The following ANKH variants were observed in gnomAD, a reference collection of about 807,000 sequenced individuals.
The protein encoded by ANKH is ANKH inorganic pyrophosphate transport regulator, also known as mineralization regulator ANKH.
ANKH carries 15 observed loss-of-function variants against 49.0 expected under a neutral mutation model. The observed-to-expected ratio is 0.31, with a 90% CI of 0.20 to 0.47. The LOEUF (loss-of-function observed/expected upper bound fraction) is 0.47. ANKH is among the 20% of genes least tolerant of loss of function. The probability of loss-of-function intolerance (pLI) is 1.00; values close to 1 mark genes in which losing one functional copy is unlikely to be tolerated. For synonymous variants in ANKH, 273 were observed against 260.0 expected (o/e 1.05, Z -0.48); for missense variants, 429 against 652.0 (o/e 0.66, Z 3.72).
chr5:14,870,927 T>C, intron 1 of ANKH: 1 of 356,534 alleles, frequency 2.8e-6, no homozygotes, highest in South Asian at 2.2e-5. Context: ...TGGAAGTACC[T>C]GGGAAATCAA....
chr5:14,835,719 C>T (rs1265379911), intron 1 of ANKH, among the ~76,000 whole-genome samples: 1 of 152,140 alleles, frequency 6.6e-6, no homozygotes, highest in Admixed American at 6.5e-5. Flanking sequence ...CCTTCTGAAA[C>T]TATTCCAATC....
At chr5:14,855,588 A>G (rs1196399830) in intron 1 of ANKH, among the ~76,000 whole-genome samples, 4 of 152,160 alleles carry the variant, frequency 2.6e-5, no homozygotes, top group African/African-American at 9.7e-5. Context: ...TGTTATTATC[A>G]TAACTGTCAA....
intron 1 of ANKH, among the ~76,000 whole-genome samples, chr5:14,842,948 C>T (rs1741854934): frequency 6.6e-6 from 1 of 152,202 alleles, no homozygotes; most frequent in Non-Finnish European, 1.5e-5. Context: ...CCCCTCTCCT[C>T]CATTCAGCAT....
rs759059529 is a variant in ANKH at position 14,722,855 on chromosome 5, G to A, written c.1012-6020C>T. Among the ~76,000 whole-genome samples, 7 of 151,946 alleles carry A rather than the reference G, an allele frequency of 4.6e-5. No homozygotes were observed. The East Asian group carries it at 7.7e-4, about 17-fold the overall frequency. ...ACCCGTCCTGACAGCAGAGGAACAC[G>A]GCAGACATGACCCCAGCCATGCAAT... is the stretch of plus-strand genomic sequence containing the variant. On this transcript the variant is annotated intron_variant, in intron 8 of 11. Transcript: ENST00000284268.
intron 8 of ANKH, among the ~76,000 whole-genome samples, chr5:14,728,424 G>T (rs145423882): frequency 6.6e-6 from 1 of 152,198 alleles, no homozygotes; most frequent in Non-Finnish European, 1.5e-5. Flanking sequence ...AGAAAGTGTT[G>T]AATTCCATTA....
intron 2 of ANKH, among the ~76,000 whole-genome samples, chr5:14,764,871 A>G (rs1739209979): frequency 6.6e-6 from 1 of 152,248 alleles, no homozygotes; most frequent in Admixed American, 6.5e-5. Flanking sequence ...CTGACTACCC[A>G]GGAAGCTTCA....
Position 14,869,221 on chromosome 5 carries a change from CTT to C in ANKH, c.96+2129_96+2130del, listed in dbSNP as rs969722641. ...CATCACCCACACATACCAGGTCACTCTTCAGCTCCCACTGTAATTCTTTCCCT... is the reference window on the plus strand; with the variant it reads ...CATCACCCACACATACCAGGTCACTCCAGCTCCCACTGTAATTCTTTCCCT... On this transcript the variant is annotated intron_variant, in intron 1 of 11. Coordinates refer to ENST00000284268, the MANE Select transcript of ANKH (RefSeq NM_054027.6). The C allele has an allele frequency of 3.3e-5, 5 of 152,328 alleles. No individual in the cohort carries two copies. The East Asian group carries it at 9.7e-4, about 29-fold the overall frequency. 9.4% of individuals were successfully genotyped at this position (152,328 alleles called of 1,614,324 possible). A position where few individuals can be genotyped will look rare whatever the true frequency, so the allele number is the denominator to read the frequency against.
At chr5:14,746,707 G>T (rs1738554205) in intron 6 of ANKH, among the ~76,000 whole-genome samples, 1 of 152,212 alleles carries the variant, frequency 6.6e-6, no homozygotes, top group Non-Finnish European at 1.5e-5. Context: ...ACTATAAACT[G>T]TAAGTTTCTC....
chr5:14,833,953 A>C (rs1368666846), intron 1 of ANKH, among the ~76,000 whole-genome samples: 1 of 152,150 alleles, frequency 6.6e-6, no homozygotes, highest in Non-Finnish European at 1.5e-5. Context: ...TCAGGAAACC[A>C]AAGAGAATTG....
chr5:14,808,526 A>G (rs1037192053), intron 1 of ANKH, among the ~76,000 whole-genome samples: 7 of 152,214 alleles, frequency 4.6e-5, no homozygotes, highest in Admixed American at 4.6e-4. Flanking sequence ...GCACTTTGGG[A>G]GGCTGAGGCA....
chr5:14,865,318 C>G (rs1005294048), intron 1 of ANKH, among the ~76,000 whole-genome samples: 8 of 152,008 alleles, frequency 5.3e-5, no homozygotes, highest in Non-Finnish European at 7.4e-5. Context: ...AGGAGATACC[C>G]AAATTGTTAA....
At chr5:14,805,671 A>G (rs752763340) in intron 1 of ANKH, among the ~76,000 whole-genome samples, 4 of 151,794 alleles carry the variant, frequency 2.6e-5, no homozygotes, top group Non-Finnish European at 5.9e-5. Context: ...CACAGACCCA[A>G]TCCATACATT....
chr5:14,712,798 T>C, intron 11 of ANKH, 76 bp downstream of exon 11: 3 of 1,420,666 alleles, frequency 2.1e-6, no homozygotes, highest in Middle Eastern at 2.2e-4. Context: ...CCATCCAACC[T>C]GGTCAGTGGC....
chr5:14,742,315 T>C (rs1387185327), intron 7 of ANKH, among the ~76,000 whole-genome samples: 1 of 152,140 alleles, frequency 6.6e-6, no homozygotes, highest in East Asian at 1.9e-4. Context: ...CCCTGCTCAG[T>C]GTCCTCCAGG....
chr5:14,728,805 C>T (rs1050389670), intron 8 of ANKH, among the ~76,000 whole-genome samples: 3 of 152,204 alleles, frequency 2.0e-5, no homozygotes, highest in African/African-American at 7.2e-5. Context: ...TACCTTCTAG[C>T]ACATGACAGA....
At chr5:14,790,465 T>C (rs1740126819) in intron 1 of ANKH, among the ~76,000 whole-genome samples, 1 of 152,240 alleles carries the variant, frequency 6.6e-6, no homozygotes, top group Admixed American at 6.5e-5. Flanking sequence ...ACTAAGTATT[T>C]GTTGACATTG....
chr5:14,719,444 G>C (rs1213045578), intron 8 of ANKH, among the ~76,000 whole-genome samples: 9 of 152,186 alleles, frequency 5.9e-5, no homozygotes, highest in Non-Finnish European at 1.3e-4. Context: ...GAAATCTCTG[G>C]GGTGGAGGTG....
intron 2 of ANKH, among the ~76,000 whole-genome samples, chr5:14,762,875 A>G (rs975364361): frequency 2.0e-5 from 3 of 152,244 alleles, no homozygotes; most frequent in Admixed American, 6.5e-5. Context: ...TGTATTCCTT[A>G]TGAAGAGCAG....
rs80294026 is a variant in ANKH at position 14,724,796 on chromosome 5, C to G, written c.1012-7961G>C. On this transcript the variant is annotated intron_variant, in intron 8 of 11. Transcript: ENST00000284268. Reference sequence around the variant, plus strand: ...CCAGGCCACGGTGGGACGGCCGTTTCTGTGTGTGTCCTCGGAGACCACCAC... The same window carrying G: ...CCAGGCCACGGTGGGACGGCCGTTTGTGTGTGTGTCCTCGGAGACCACCAC... 1.2e-4 allele frequency among the ~76,000 whole-genome samples: 18 copies of G among 152,258 alleles called. No homozygotes were observed. The East Asian group carries it at 2.9e-3, about 25-fold the overall frequency.
Sources: gnomAD v4.1 joint callset for allele counts (sites outside exome capture counted in the v4.1 genomes callset) on GRCh38, gnomAD v4.1.1 for gene constraint, MANE v1.5 for transcripts, NCBI Gene and HGNC (gene_info 2026-07-23, HGNC 2026-07-21) for gene names.